Variants in MYT1L observed in about 807,000 individuals in gnomAD.
MYT1L encodes the protein myelin transcription factor 1-like protein.
Under a neutral mutation model 126.7 loss-of-function variants are expected in MYT1L, and 12 were observed. The observed-to-expected ratio is 0.09, with a 90% confidence interval of 0.06 to 0.15. The LOEUF is 0.15. Among genes scored for constraint, MYT1L ranks in the 10% least tolerant of loss-of-function variants. MYT1L has a pLI of 1.00. For synonymous variants in MYT1L, 541 were observed against 604.2 expected, an observed-to-expected ratio of 0.90 and a Z score of 1.53; for missense variants, 979 against 1,585.2, an observed-to-expected ratio of 0.62 and a Z score of 6.49.
intron 18 of MYT1L, among the ~76,000 whole-genome samples, chr2:1,880,431 G>A (rs769319454): frequency 6.6e-5 from 10 of 152,076 alleles, no homozygotes; most frequent in African/African-American, 1.7e-4. Context: ...TCTGCCTCCC[G>A]GGTTCCAGTG....
chr2:1,880,063 A>G (rs2047342836), intron 18 of MYT1L, among the ~76,000 whole-genome samples: 1 of 152,216 alleles, frequency 6.6e-6, no homozygotes, highest in Admixed American at 6.5e-5. Context: ...AACAGTTAGG[A>G]ATTTACCTTA....
At chr2:2,068,766 C>CTTCTTTTTTT (rs1370285207) in intron 3 of MYT1L, among the ~76,000 whole-genome samples, 6 of 5,880 alleles carry the variant, frequency 1.0e-3, no homozygotes, top group Non-Finnish European at 1.8e-3. Context: ...CTGTGTTCTT[C>CTTCTTTTTTT]TTGTTTTTTT....
intron 4 of MYT1L, among the ~76,000 whole-genome samples, chr2:2,009,040 A>G (rs2063578431): frequency 6.6e-6 from 1 of 151,762 alleles, no homozygotes; most frequent in South Asian, 2.1e-4. Flanking sequence ...CCACGGGTCT[A>G]TGGTTCTGTT....
At chr2:1,815,990 T>C (rs2037571221) in intron 21 of MYT1L, among the ~76,000 whole-genome samples, 1 of 152,170 alleles carries the variant, frequency 6.6e-6, no homozygotes. Flanking sequence ...TTATCTCTTT[T>C]TTTTCTTTTA....
At chr2:1,860,432 A>T (rs2044442425) in intron 18 of MYT1L, among the ~76,000 whole-genome samples, 1 of 152,096 alleles carries the variant, frequency 6.6e-6, no homozygotes, top group Non-Finnish European at 1.5e-5. Flanking sequence ...TTCAAACCAC[A>T]CGCTCGGGAT....
chr2:1,876,351 C>T (rs1279048065), intron 18 of MYT1L, among the ~76,000 whole-genome samples: 1 of 152,128 alleles, frequency 6.6e-6, no homozygotes, highest in African/African-American at 2.4e-5. Context: ...CCTGGTGATG[C>T]GTCCACGCGT....
chr2:2,199,465 C>T (rs918209805), intron 2 of MYT1L, among the ~76,000 whole-genome samples: 4 of 152,246 alleles, frequency 2.6e-5, no homozygotes, highest in East Asian at 3.9e-4. Context: ...CGTGATCCCC[C>T]GTCACACTCT....
chr2:2,030,578 A>G (rs2066124805), intron 4 of MYT1L, among the ~76,000 whole-genome samples: 2 of 152,246 alleles, frequency 1.3e-5, no homozygotes, highest in South Asian at 4.1e-4. Flanking sequence ...AGTTGACTTC[A>G]TTATAATTTA....
At chr2:2,116,761 C>T (rs570848797) in intron 3 of MYT1L, among the ~76,000 whole-genome samples, 2 of 152,338 alleles carry the variant, frequency 1.3e-5, no homozygotes, top group African/African-American at 4.8e-5. Flanking sequence ...CTTAGGACCA[C>T]CAGGCTTGGA....
chr2:2,124,137 C>T (rs1376839622), intron 3 of MYT1L, among the ~76,000 whole-genome samples: 2 of 152,198 alleles, frequency 1.3e-5, no homozygotes, highest in Non-Finnish European at 2.9e-5. Flanking sequence ...CAGCCACCCA[C>T]TCGCTTTTGG....
At chr2:2,253,096 G>A (rs192509745) in intron 2 of MYT1L, among the ~76,000 whole-genome samples, 1 of 151,902 alleles carries the variant, frequency 6.6e-6, no homozygotes, top group East Asian at 1.9e-4. Context: ...AAAATAATGT[G>A]GCTTTTGCTA....
chr2:2,160,072 T>A (rs997626427), intron 3 of MYT1L, among the ~76,000 whole-genome samples: 3 of 152,136 alleles, frequency 2.0e-5, no homozygotes, highest in African/African-American at 7.2e-5. Flanking sequence ...GATCATAGTA[T>A]CAACCTCATG....
chr2:2,184,538 T>C (rs2091913006), intron 2 of MYT1L, among the ~76,000 whole-genome samples: 1 of 152,200 alleles, frequency 6.6e-6, no homozygotes, highest in South Asian at 2.1e-4. Context: ...ATTTTTTTCA[T>C]GGGATGATTT....
intron 3 of MYT1L, among the ~76,000 whole-genome samples, chr2:2,161,601 GTGTCATTACA>G (rs1388648900): frequency 2.0e-5 from 3 of 152,192 alleles, no homozygotes; most frequent in African/African-American, 7.2e-5. Context: ...TGAGAAGGAT[GTGTCATTACA>G]TTTCCCAGGT....
chr2:2,203,075 G>C (rs1192138964), intron 2 of MYT1L, among the ~76,000 whole-genome samples: 2 of 147,660 alleles, frequency 1.4e-5, no homozygotes, highest in African/African-American at 2.5e-5. Flanking sequence ...TTCAACAGCA[G>C]TTCATGCTAA....
intron 4 of MYT1L, among the ~76,000 whole-genome samples, chr2:2,038,084 C>T (rs2067088000): frequency 6.6e-6 from 1 of 152,174 alleles, no homozygotes; most frequent in African/African-American, 2.4e-5. Context: ...TTCATTTGGA[C>T]AGAAACCTGA....
intron 4 of MYT1L, among the ~76,000 whole-genome samples, chr2:2,042,531 C>T (rs558951156): frequency 1.3e-5 from 2 of 152,104 alleles, no homozygotes; most frequent in African/African-American, 2.4e-5. Context: ...TTTCTAGAAA[C>T]CTTGTTCTAA....
At chr2:2,318,017 G>A (rs140028965) in intron 1 of MYT1L, among the ~76,000 whole-genome samples, 5 of 152,292 alleles carry the variant, frequency 3.3e-5, no homozygotes, top group African/African-American at 7.2e-5. Context: ...TGTGAAAATC[G>A]TTTACTGATT....
Position 1,848,775 on chromosome 2 carries a change from G to A in MYT1L, c.2774+2866C>T, listed in dbSNP as rs1486802588. Reference sequence around the variant, plus strand: ...GCTGGGGCCTCCATCTTCCTTTAGCGGGGGCTTTATGTAAGGACTGTCACG... The same window carrying A: ...GCTGGGGCCTCCATCTTCCTTTAGCAGGGGCTTTATGTAAGGACTGTCACG... On this transcript the variant is annotated intron_variant, in intron 19 of 24. Coordinates refer to ENST00000647738, the MANE Select transcript of MYT1L (RefSeq NM_001303052.2). This position sits in a 1 kb window ranked among gnomAD's most constrained non-coding sequence, Gnocchi z 4.8. Among the ~76,000 whole-genome samples, 2 of 152,014 alleles carry A rather than the reference G, an allele frequency of 1.3e-5. No homozygotes were observed. Among genetic ancestry groups the A allele is most frequent in the East Asian group, 1.9e-4 (1 of 5,164 alleles).
Sources: gnomAD v4.1 joint callset for allele counts (sites outside exome capture counted in the v4.1 genomes callset) on GRCh38, gnomAD v4.1.1 for gene constraint, Gnocchi (gnomAD v3.1) non-coding constraint, MANE v1.5 for transcripts, NCBI Gene and HGNC (gene_info 2026-07-23, HGNC 2026-07-21) for gene names.